TSPAN9: variants seen among roughly 807,000 people sequenced by gnomAD.
The protein encoded by TSPAN9 is tetraspanin-9.
A neutral mutation model predicts 31.0 loss-of-function variants in TSPAN9; 16 were observed. The observed-to-expected ratio is 0.52, with a 90% confidence interval of 0.35 to 0.78. The LOEUF is 0.78. Among genes scored for constraint, TSPAN9 ranks in the 30% least tolerant of loss-of-function variants. The pLI, the probability that TSPAN9 is intolerant of heterozygous loss-of-function variation, is 0.01. For missense variants in TSPAN9, 272 were observed against 312.5 expected (o/e 0.87, Z 0.98); for synonymous variants, 145 against 121.6 (o/e 1.19, Z -1.27).
chr12:3,266,581 A>G (rs558918050), intron 3 of TSPAN9, among the ~76,000 whole-genome samples: 1 of 152,176 alleles, frequency 6.6e-6, no homozygotes, highest in Admixed American at 6.5e-5. Context: ...TGCCATGCAC[A>G]TGTTGCAAAC....
intron 3 of TSPAN9, among the ~76,000 whole-genome samples, chr12:3,254,752 G>A (rs1862314243): frequency 6.6e-6 from 1 of 152,162 alleles, no homozygotes. Context: ...GGTCGTCAAG[G>A]GCTCTGTTTA....
intron 3 of TSPAN9, among the ~76,000 whole-genome samples, chr12:3,270,536 C>T (rs1166030464): frequency 6.6e-6 from 1 of 152,218 alleles, no homozygotes; most frequent in African/African-American, 2.4e-5. Flanking sequence ...TTGGAGCAAG[C>T]CCCCAGGCAG....
At chr12:3,095,915 C>T (rs1339360644) in intron 2 of TSPAN9, among the ~76,000 whole-genome samples, 1 of 149,874 alleles carries the variant, frequency 6.7e-6, no homozygotes, top group Non-Finnish European at 1.5e-5. Flanking sequence ...AGAGACACTC[C>T]TCACTTCCCA....
At chr12:3,144,067 G>A (rs752203464) in intron 2 of TSPAN9, among the ~76,000 whole-genome samples, 3 of 151,922 alleles carry the variant, frequency 2.0e-5, no homozygotes, top group Admixed American at 6.6e-5. Context: ...ACAAAATCAC[G>A]AGTGTGTGCT....
chr12:3,177,101 TA>T (rs111282988), intron 2 of TSPAN9, among the ~76,000 whole-genome samples: 11 of 148,584 alleles, frequency 7.4e-5, no homozygotes, highest in South Asian at 2.1e-4. Flanking sequence ...CTTGTTTAAA[TA>T]AAAAAAAAAA....
At position 3,186,667 on chromosome 12, in the gene TSPAN9, C is replaced by G. The variant is rs4765718; in HGVS notation, c.-17-14510C>G. 9.6e-3 allele frequency among the ~76,000 whole-genome samples: 1,454 copies of G among 152,234 alleles called. 97 individuals are homozygous for G. Among genetic ancestry groups the G allele is most frequent in the Admixed American group, 0.086 (1,322 of 15,286 alleles). On this transcript the variant is annotated intron_variant, in intron 2 of 8. Coordinates refer to ENST00000011898, the MANE Select transcript of TSPAN9 (RefSeq NM_006675.5). ...GTTTTGCACAGATCAGTGGCATGGT[C>G]TCACTTAAGAGACACGATCACTGTA...
chr12:3,157,249 G>A lies in TSPAN9; in HGVS notation c.-17-43928G>A, dbSNP rs1312168748. The stretch of plus-strand genomic sequence containing the variant: ...CGAGTAGCTGGGACTACGGGTGCCC[G>A]CCACCATGCCCGGCTAATTTGTTTT... On this transcript the variant is annotated intron_variant, in intron 2 of 8. Transcript: ENST00000011898. Among the ~76,000 whole-genome samples, 4 of 152,008 alleles carry A rather than the reference G, an allele frequency of 2.6e-5. No individual in the cohort carries two copies. In the East Asian group the frequency reaches 5.8e-4, roughly 22 times the overall value.
intron 3 of TSPAN9, among the ~76,000 whole-genome samples, chr12:3,219,302 A>G (rs181176966): frequency 6.6e-6 from 1 of 152,300 alleles, no homozygotes; most frequent in Admixed American, 6.5e-5. Flanking sequence ...GTTGAGTGGG[A>G]TGCACAGGGA....
At chr12:3,132,776 T>G (rs972991689) in intron 2 of TSPAN9, among the ~76,000 whole-genome samples, 4 of 152,032 alleles carry the variant, frequency 2.6e-5, no homozygotes, top group African/African-American at 4.8e-5. Context: ...CCCCAGCCCA[T>G]GAAGCTTCCC....
At chr12:3,171,143 C>G (rs1022381476) in intron 2 of TSPAN9, among the ~76,000 whole-genome samples, 1 of 152,152 alleles carries the variant, frequency 6.6e-6, no homozygotes, top group Non-Finnish European at 1.5e-5. Context: ...GACCTTCTGA[C>G]TTTTCTGTTT....
rs574167934 is a variant in TSPAN9 at position 3,187,158 on chromosome 12, C to G, written c.-17-14019C>G. 1.3e-5 allele frequency among the ~76,000 whole-genome samples: 2 copies of G among 152,248 alleles called. No homozygotes were observed. Among genetic ancestry groups the G allele is most frequent in the South Asian group, 4.1e-4 (2 of 4,820 alleles). ...AGAGGGGAGGGCCTCTGTTTTCTTT[C>G]ACTTGGCAGATCACCTGTGTTCATG... is the stretch of plus-strand genomic sequence containing the variant. On this transcript the variant is annotated intron_variant, in intron 2 of 8. Coordinates refer to ENST00000011898, the MANE Select transcript of TSPAN9 (RefSeq NM_006675.5). This position sits in a 1 kb window ranked among gnomAD's most constrained non-coding sequence, Gnocchi z 5.2.
At chr12:3,182,642 G>A (rs1473779447) in intron 2 of TSPAN9, among the ~76,000 whole-genome samples, 2 of 152,202 alleles carry the variant, frequency 1.3e-5, no homozygotes, top group African/African-American at 4.8e-5. Flanking sequence ...TCTTGCAGCT[G>A]ACAGGTCTGT....
chr12:3,142,773 T>C (rs1009681069), intron 2 of TSPAN9, among the ~76,000 whole-genome samples: 2 of 152,224 alleles, frequency 1.3e-5, no homozygotes, highest in African/African-American at 4.8e-5. Flanking sequence ...GTTGTTAACA[T>C]CCTACATAAT....
intron 7 of TSPAN9, among the ~76,000 whole-genome samples, 164 bp from the exon 8 acceptor site, chr12:3,281,570 G>T (rs1040380809): frequency 2.0e-5 from 3 of 152,172 alleles, no homozygotes; most frequent in East Asian, 1.9e-4. Flanking sequence ...CTGGCCTTGC[G>T]GGTGGGGCGG....
In TSPAN9 at chr12:3,104,361, T is replaced by G. The variant is rs2098313238; in HGVS notation, c.-18+20642T>G. The stretch of plus-strand genomic sequence containing the variant: ...AACTGTTTTTTTTTTTTAATTGTTG[T>G]TGTTGTTTTGAGGTAGGGTCTCACT... On this transcript the variant is annotated intron_variant, in intron 2 of 8. Transcript: ENST00000011898. 4.6e-5 allele frequency among the ~76,000 whole-genome samples: 7 copies of G among 151,906 alleles called. No homozygotes were observed. The South Asian group carries it at 1.5e-3, about 32-fold the overall frequency.
At chr12:3,181,141 CCG>C (rs1183762803) in intron 2 of TSPAN9, among the ~76,000 whole-genome samples, 2 of 151,998 alleles carry the variant, frequency 1.3e-5, no homozygotes, top group Non-Finnish European at 2.9e-5. Flanking sequence ...CGGCTGGCGC[CCG>C]GGAGAGGAAT....
At chr12:3,264,840 T>C (rs944189938) in intron 3 of TSPAN9, among the ~76,000 whole-genome samples, 1 of 152,230 alleles carries the variant, frequency 6.6e-6, no homozygotes, top group African/African-American at 2.4e-5. Flanking sequence ...ATTTAAAACA[T>C]GAGCACCAGA....
At position 3,109,742 on chromosome 12, in the gene TSPAN9, C is replaced by A. The variant is rs1248961509; in HGVS notation, c.-18+26023C>A. ...GAACCTGGGAGGCGGATGTTGCAGT[C>A]AGCCGAGATCGCACCACTGCACTCC... On this transcript the variant is annotated intron_variant, in intron 2 of 8. Transcript: ENST00000011898. Among the ~76,000 whole-genome samples the A allele has an allele frequency of 2.8e-5, 4 of 145,144 alleles. No homozygotes were observed. The Admixed American group carries it at 2.8e-4, about 10-fold the overall frequency.
chr12:3,089,039 T>G (rs2153962734), intron 2 of TSPAN9, among the ~76,000 whole-genome samples: 1 of 151,934 alleles, frequency 6.6e-6, no homozygotes, highest in African/African-American at 2.4e-5. Context: ...GAGATCATCC[T>G]GGCTAACACG....
Sources: gnomAD v4.1 joint callset for allele counts (sites outside exome capture counted in the v4.1 genomes callset) on GRCh38, gnomAD v4.1.1 for gene constraint, Gnocchi (gnomAD v3.1) non-coding constraint, MANE v1.5 for transcripts, NCBI Gene and HGNC (gene_info 2026-07-23, HGNC 2026-07-21) for gene names.